The following KSR2 variants were observed in gnomAD, a reference collection of about 807,000 sequenced individuals.
KSR2 encodes kinase suppressor of ras 2.
A neutral mutation model predicts 107.8 loss-of-function variants in KSR2; 25 were observed. The observed-to-expected ratio is 0.23, with a 90% CI of 0.17 to 0.32. The LOEUF is 0.32. Ranked by LOEUF, KSR2 falls within the 10% of genes least tolerant of loss-of-function variation. The pLI is 1.00. For missense variants in KSR2, 887 were observed against 1,268.9 expected, an observed-to-expected ratio of 0.70 and a Z score of 4.57; for synonymous variants, 480 against 507.0, an observed-to-expected ratio of 0.95 and a Z score of 0.71.
chr12:117,749,987 C>T (rs1016895638), intron 4 of KSR2, among the ~76,000 whole-genome samples: 3 of 152,108 alleles, frequency 2.0e-5, no homozygotes, highest in African/African-American at 7.2e-5. Flanking sequence ...ATGGCTGACG[C>T]CTGTAATCCT....
At chr12:117,894,995 T>TGAG (rs960676308) in intron 1 of KSR2, among the ~76,000 whole-genome samples, 3 of 151,658 alleles carry the variant, frequency 2.0e-5, no homozygotes, top group African/African-American at 4.8e-5. Flanking sequence ...CTCGGGAGAC[T>TGAG]GAGCCAAGAG....
intron 16 of KSR2, among the ~76,000 whole-genome samples, chr12:117,480,848 C>A (rs1230489567): frequency 6.6e-6 from 1 of 152,096 alleles, no homozygotes; most frequent in Admixed American, 6.5e-5. Context: ...TTTAAAACCC[C>A]AGGGACTAGG....
chr12:117,870,035 AG>A (rs1461866744), intron 1 of KSR2, among the ~76,000 whole-genome samples: 1 of 152,214 alleles, frequency 6.6e-6, no homozygotes, highest in African/African-American at 2.4e-5. Flanking sequence ...TGGGAGCACC[AG>A]GGTGTGATCC....
chr12:117,926,288 C>A (rs1895516795), intron 1 of KSR2, among the ~76,000 whole-genome samples: 1 of 152,172 alleles, frequency 6.6e-6, no homozygotes, highest in Non-Finnish European at 1.5e-5. Flanking sequence ...ACCATGTGAA[C>A]CTTCACTAGC....
intron 8 of KSR2, among the ~76,000 whole-genome samples, chr12:117,558,267 C>A (rs971337868): frequency 6.6e-6 from 1 of 151,882 alleles, no homozygotes; most frequent in African/African-American, 2.4e-5. Context: ...AGTGGGGAGA[C>A]AAAGGGAGCT....
At chr12:117,546,731 G>A (rs1280634525) in intron 9 of KSR2, among the ~76,000 whole-genome samples, 1 of 152,060 alleles carries the variant, frequency 6.6e-6, no homozygotes, top group Non-Finnish European at 1.5e-5. Flanking sequence ...TCTTTCCTCT[G>A]CCCCATCCAA....
intron 5 of KSR2, among the ~76,000 whole-genome samples, chr12:117,618,934 T>C (rs1250626656): frequency 3.9e-5 from 6 of 152,154 alleles, no homozygotes; most frequent in Non-Finnish European, 7.4e-5. Context: ...CCTTCAAACA[T>C]TTTTAAAAAT....
At chr12:117,519,813 T>C (rs1592950382) in intron 14 of KSR2, among the ~76,000 whole-genome samples, 1 of 149,994 alleles carries the variant, frequency 6.7e-6, no homozygotes, top group Admixed American at 6.6e-5. Flanking sequence ...TGTGTGTGCA[T>C]GGTTGTGCTG....
intron 15 of KSR2, among the ~76,000 whole-genome samples, chr12:117,484,889 T>A (rs1205725616): frequency 1.3e-5 from 2 of 152,178 alleles, no homozygotes; most frequent in African/African-American, 4.8e-5. Context: ...CTTTAAATAC[T>A]AACTCTTCCG....
At chr12:117,634,569 G>T (rs1882965608) in intron 5 of KSR2, among the ~76,000 whole-genome samples, 1 of 152,088 alleles carries the variant, frequency 6.6e-6, no homozygotes, top group South Asian at 2.1e-4. Context: ...CCTTTTCCCA[G>T]GTTCACACAC....
intron 14 of KSR2, 143 bp downstream of exon 14, chr12:117,524,709 T>C: frequency 9.3e-7 from 1 of 1,071,542 alleles, no homozygotes; most frequent in African/African-American, 1.6e-5. Context: ...ATCTTAAATC[T>C]TAAACCATGT....
intron 2 of KSR2, among the ~76,000 whole-genome samples, chr12:117,856,221 G>T (rs1406906108): frequency 6.6e-6 from 1 of 152,192 alleles, no homozygotes; most frequent in East Asian, 1.9e-4. Context: ...AGCGTGGAGT[G>T]GGGGAAAGGG....
intron 5 of KSR2, among the ~76,000 whole-genome samples, chr12:117,635,064 G>A (rs1226996412): frequency 6.6e-6 from 1 of 152,152 alleles, no homozygotes; most frequent in Non-Finnish European, 1.5e-5. Context: ...CAAATTGCAG[G>A]TTAACCCACG....
intron 5 of KSR2, among the ~76,000 whole-genome samples, chr12:117,607,407 C>T (rs929770541): frequency 1.3e-5 from 2 of 152,126 alleles, no homozygotes; most frequent in Admixed American, 6.5e-5. Context: ...GAGAGATGCC[C>T]AGCTGGTAGG....
intron 1 of KSR2, among the ~76,000 whole-genome samples, chr12:117,946,707 C>CA (rs1203163004): frequency 6.6e-6 from 1 of 151,694 alleles, no homozygotes; most frequent in African/African-American, 2.4e-5. Flanking sequence ...TGAACACAGA[C>CA]AAAAAAAATT....
intron 3 of KSR2, among the ~76,000 whole-genome samples, chr12:117,770,172 G>A (rs1226229937): frequency 6.6e-6 from 1 of 152,164 alleles, no homozygotes; most frequent in African/African-American, 2.4e-5. Context: ...GCAGCCTCCA[G>A]TACCTTATTT....
chr12:117,584,781 G>A (rs1039802146), intron 5 of KSR2, among the ~76,000 whole-genome samples: 1 of 152,188 alleles, frequency 6.6e-6, no homozygotes, highest in Non-Finnish European at 1.5e-5. Flanking sequence ...TAGGGATTAT[G>A]CTATGCATTT....
At chr12:117,851,347 A>C (rs1892916112) in intron 3 of KSR2, among the ~76,000 whole-genome samples, 1 of 152,130 alleles carries the variant, frequency 6.6e-6, no homozygotes. Flanking sequence ...CCAGCACTTT[A>C]GGAGGCCGAG....
At chr12:117,678,257 G>T (rs1239212247) in intron 4 of KSR2, among the ~76,000 whole-genome samples, 3 of 151,938 alleles carry the variant, frequency 2.0e-5, no homozygotes, top group Non-Finnish European at 4.4e-5. Context: ...GCCAGTATTG[G>T]GCTTCTAACC....
Sources: gnomAD v4.1 joint callset for allele counts (sites outside exome capture counted in the v4.1 genomes callset) on GRCh38, gnomAD v4.1.1 for gene constraint, MANE v1.5 for transcripts, NCBI Gene and HGNC (gene_info 2026-07-23, HGNC 2026-07-21) for gene names.